PEX11A: variants seen among roughly 807,000 people sequenced by gnomAD.
PEX11A encodes peroxisomal membrane protein 11A.
Under a neutral mutation model 14.4 loss-of-function variants are expected in PEX11A, and 13 were observed. The ratio of observed to expected loss-of-function variants is 0.90; its 90% CI spans 0.59 to 1.43. The LOEUF (loss-of-function observed/expected upper bound fraction) is 1.43, where lower values mean the gene tolerates loss of function less well. Ranked by LOEUF, PEX11A falls within the 40% of genes most tolerant of loss-of-function variation. The probability of loss-of-function intolerance (pLI) is 0.00; values close to 1 mark genes in which losing one functional copy is unlikely to be tolerated. For synonymous variants in PEX11A, 101 were observed against 113.0 expected (o/e 0.89, Z 0.67); for missense variants, 290 against 302.8 (o/e 0.96, Z 0.31).
chr15:89,683,947 C>T lies in PEX11A; in HGVS notation c.174G>A (p.Trp58Ter). 1 of 1,601,178 alleles carries T rather than the reference C, an allele frequency of 6.2e-7. No homozygotes were observed. The highest frequency in any genetic ancestry group is 1.1e-5 in the South Asian group (1 of 89,872). Reference protein sequence around the residue: ...LESSVSTGRKWFRLGNVVHAI... With the variant: ...LESSVSTGRK ...CATGTACCACATTGCCTAGTCTGAA[C>T]CCTGCAAGTAGAACCCACAATAGTG... The change falls in exon 3 of 3, where the codon TGG becomes TGA. Residue 58 changes from tryptophan to a stop codon, truncating the protein, a stop_gained and splice_region_variant. Transcript: ENST00000300056. LOFTEE classifies it low-confidence loss of function (END_TRUNC).
intron 1 of PEX11A, among the ~76,000 whole-genome samples, chr15:89,687,476 T>A (rs1964694912): frequency 6.6e-6 from 1 of 152,240 alleles, no homozygotes; most frequent in South Asian, 2.1e-4. Context: ...ACTATATATT[T>A]AATAAAGTGA....
intron 1 of PEX11A, among the ~76,000 whole-genome samples, chr15:89,689,210 C>T (rs1432106862): frequency 1.4e-5 from 2 of 138,350 alleles, no homozygotes; most frequent in African/African-American, 5.4e-5. Context: ...GAGTCATTTG[C>T]GTGGATGTGA....
rs761006082 is a variant in PEX11A, at chr15:89,683,890, G to A, written c.231C>T (p.Ala77=). The change falls in exon 3 of 3, where the codon GCC becomes GCT. Residue 77 remains alanine (A), a synonymous_variant. Transcript: ENST00000300056. ...AGCATAAGCGAGGTACCAGGTCAGT[G>A]GCATGAATGCTCTGCTCAGTTGCCT... ...AIQATEQSIH[A]TDLVPRLCLT... 1.2e-6 allele frequency: 2 copies of A among 1,614,108 alleles called. No individual in the cohort carries two copies. The highest frequency in any genetic ancestry group is 2.2e-5 in the East Asian group (1 of 44,886).
intron 1 of PEX11A, chr15:89,687,967 C>G (rs1263279757): frequency 3.6e-6 from 2 of 553,432 alleles, no homozygotes; most frequent in Non-Finnish European, 3.5e-6. Flanking sequence ...CTCTTCTTAT[C>G]TCCTCCCAGT....
chr15:89,690,567 C>T lies in PEX11A; in HGVS notation c.56+10G>A. ...GAGAAAGGGGCGGAGGCCGCTGGCACCTGACTCACCTGAAGAGTCGGTCCC... is the reference window on the plus strand; with the variant it reads ...GAGAAAGGGGCGGAGGCCGCTGGCATCTGACTCACCTGAAGAGTCGGTCCC... On this transcript the variant is annotated intron_variant, in intron 1 of 2. Coordinates refer to ENST00000300056, the MANE Select transcript of PEX11A (RefSeq NM_003847.3). 1 of 1,549,824 alleles carries T rather than the reference C, an allele frequency of 6.5e-7. No individual in the cohort carries two copies. The highest frequency in any genetic ancestry group is 8.7e-7 in the Non-Finnish European group (1 of 1,145,804).
rs1964611709 is a variant in PEX11A, at chr15:89,682,325, C to T, written c.*1052G>A. 1 of 152,126 alleles carries T rather than the reference C, an allele frequency of 6.6e-6. No individual in the cohort carries two copies. Among genetic ancestry groups the T allele is most frequent in the Non-Finnish European group, 1.5e-5 (1 of 68,072 alleles). The allele number at this position is 152,126 out of a possible 1,614,324, so 9.4% of individuals were successfully genotyped here. On this transcript the variant is annotated 3_prime_UTR_variant, in exon 3 of 3. Transcript: ENST00000300056. ...AGTATCTGGGACTACAGGCATACTC[C>T]ACCATGCCTGGCTAATTTTTTAACA...
chr15:89,690,627 G>A lies in PEX11A; in HGVS notation c.6C>T (p.Asp2=). The part of the protein sequence containing the change: M[D]AFTRFTNQTQ... Reference sequence around the variant, plus strand: ...TCTGGTTGGTGAAGCGGGTGAAGGCGTCCATGGCTTCTAGCCCAAAGGCCA... The same window carrying A: ...TCTGGTTGGTGAAGCGGGTGAAGGCATCCATGGCTTCTAGCCCAAAGGCCA... Residue 2 remains aspartate (D), a synonymous_variant, in exon 1 of 3, where the codon GAC becomes GAT. Coordinates refer to ENST00000300056, the MANE Select transcript of PEX11A (RefSeq NM_003847.3). The A allele has an allele frequency of 4.5e-6, 7 of 1,551,088 alleles. No individual in the cohort carries two copies. The highest frequency in any genetic ancestry group is 1.2e-5 in the South Asian group (1 of 84,046).
intron 2 of PEX11A, among the ~76,000 whole-genome samples, chr15:89,684,953 G>A (rs774349354): frequency 6.6e-6 from 1 of 152,148 alleles, no homozygotes; most frequent in African/African-American, 2.4e-5. Flanking sequence ...ACTTTGGGAG[G>A]CCAAGGTGCA....
At position 89,683,819 on chromosome 15, in the gene PEX11A, G is replaced by T. The variant is rs373563993; in HGVS notation, c.302C>A (p.Thr101Asn). ...LNRVIYFICDTILWVRSVGLT... is the reference protein window; with the variant it reads ...LNRVIYFICDNILWVRSVGLT... ...ACCTACGCTCCTCACCCAGAGGATG[G>T]TGTCACAGATGAAATAAATCACACG... The change falls in exon 3 of 3, where the codon ACC becomes AAC. Residue 101 changes from threonine to asparagine, a missense_variant. Coordinates refer to ENST00000300056, the MANE Select transcript of PEX11A (RefSeq NM_003847.3). 4.6e-5 allele frequency: 75 copies of T among 1,613,970 alleles called. No homozygotes were observed. The highest frequency in any genetic ancestry group is 6.2e-5 in the Non-Finnish European group (73 of 1,179,954).
chr15:89,682,078 T>G lies in PEX11A; in HGVS notation c.*1299A>C, dbSNP rs1964608272. 1 of 152,404 alleles carries G rather than the reference T, an allele frequency of 6.6e-6. No individual in the cohort carries two copies. The highest frequency in any genetic ancestry group is 2.4e-5 in the African/African-American group (1 of 41,476). The allele number at this position is 152,404 out of a possible 1,614,324, so 9.4% of individuals were successfully genotyped here. The stretch of plus-strand genomic sequence containing the variant: ...GACTCTCTTACATCTGGAGTATTCA[T>G]GAAATTTTTTTGACTGGATAAATTT... On this transcript the variant is annotated 3_prime_UTR_variant, in exon 3 of 3. Transcript: ENST00000300056.
intron 1 of PEX11A, 42 bp from the exon 2 acceptor site, chr15:89,686,588 C>T: frequency 1.2e-6 from 1 of 866,628 alleles, no homozygotes; most frequent in South Asian, 1.4e-5. Context: ...GATTTACAAA[C>T]CAAATAAAAC....
intron 1 of PEX11A, among the ~76,000 whole-genome samples, chr15:89,687,568 T>C (rs1262424127): frequency 6.6e-6 from 1 of 152,198 alleles, no homozygotes; most frequent in Non-Finnish European, 1.5e-5. Flanking sequence ...CACATCCAAA[T>C]CCATTTGGCA....
chr15:89,681,814 T>C lies in PEX11A; in HGVS notation c.*1563A>G, dbSNP rs1964604422. On this transcript the variant is annotated 3_prime_UTR_variant, in exon 3 of 3. Coordinates refer to ENST00000300056, the MANE Select transcript of PEX11A (RefSeq NM_003847.3). ...TCCATTCAGATAAATGACACAGCTTTGCTGGGAGGACTGACATCGGCCTCC... is the reference window on the plus strand; with the variant it reads ...TCCATTCAGATAAATGACACAGCTTCGCTGGGAGGACTGACATCGGCCTCC... 4 of 318,002 alleles carry C rather than the reference T, an allele frequency of 1.3e-5. No individual in the cohort carries two copies. The highest frequency in any genetic ancestry group is 9.2e-5 in the Admixed American group (2 of 21,764). 19.7% of individuals were successfully genotyped at this position (318,002 alleles called of 1,614,324 possible).
chr15:89,685,687 G>C (rs765041392), intron 2 of PEX11A, among the ~76,000 whole-genome samples: 1 of 151,788 alleles, frequency 6.6e-6, no homozygotes, highest in Non-Finnish European at 1.5e-5. Flanking sequence ...CAACAAGTTT[G>C]GCACTAAATC....
intron 2 of PEX11A, among the ~76,000 whole-genome samples, chr15:89,684,709 C>T (rs543722464): frequency 6.6e-6 from 1 of 152,188 alleles, no homozygotes; most frequent in Non-Finnish European, 1.5e-5. Flanking sequence ...TGCAATGGCA[C>T]GTCCTTATGT....
At position 89,683,499 on chromosome 15, in the gene PEX11A, G is replaced by A; in HGVS notation, c.622C>T (p.Pro208Ser). ...TVKNLCDILN[P>S]LDQLGIYKSN... ...TTATAGATCCCCAGCTGGTCCAAAG[G>A]GTTCAGGATATCACAAAGGTTCTTC... The change falls in exon 3 of 3, where the codon CCT becomes TCT. Residue 208 changes from proline to serine, a missense_variant. Physicochemically the swap from Pro to Ser is moderately conservative, Grantham distance 74. Transcript: ENST00000300056. 6.2e-7 allele frequency: 1 copy of A among 1,614,056 alleles called. No individual in the cohort carries two copies. Among genetic ancestry groups the A allele is most frequent in the African/African-American group, 1.3e-5 (1 of 75,028 alleles).
Position 89,690,588 on chromosome 15 carries a change from G to T in PEX11A, c.45C>A (p.Asp15Glu). The T allele has an allele frequency of 1.3e-6, 2 of 1,551,406 alleles. No homozygotes were observed. Among genetic ancestry groups the T allele is most frequent in the Non-Finnish European group, 1.7e-6 (2 of 1,146,882 alleles). ...GGCACCTGACTCACCTGAAGAGTCG[G>T]TCCCGGCCCTGGGTCTGGTTGGTGA... ...TRFTNQTQGR[D>E]RLFRATQYTC... The change falls in exon 1 of 3, where the codon GAC becomes GAA. Residue 15 changes from aspartate to glutamate, a missense_variant. Asp to Glu is a conservative substitution (Grantham distance 45, BLOSUM62 2). Transcript: ENST00000300056.
rs983123551 is a variant in PEX11A, at chr15:89,682,148, A to G, written c.*1229T>C. ...ATTGCCTAAATTGTTAGAAGGATTT[A>G]AATAAAACAATCTAACTGATAAGTC... On this transcript the variant is annotated 3_prime_UTR_variant, in exon 3 of 3. Coordinates refer to ENST00000300056, the MANE Select transcript of PEX11A (RefSeq NM_003847.3). The G allele has an allele frequency of 1.3e-5, 2 of 152,414 alleles. No homozygotes were observed. The highest frequency in any genetic ancestry group is 3.8e-4 in the East Asian group (2 of 5,206). 9.4% of individuals were successfully genotyped at this position (152,414 alleles called of 1,614,324 possible).
Position 89,683,414 on chromosome 15 carries a change from G to T in PEX11A, c.707C>A (p.Thr236Asn). The change falls in exon 3 of 3, where the codon ACT (threonine) becomes AAT (asparagine). Residue 236 changes from threonine (T) to asparagine (N), a missense_variant. Physicochemically the swap from Thr to Asn is moderately conservative, Grantham distance 65 (BLOSUM62 0). Coordinates refer to ENST00000300056, the MANE Select transcript of PEX11A (RefSeq NM_003847.3). ...GLVSSIAGMI[T>N]VAYPQMKLKT... is the part of the protein sequence containing the mutation. ...CAGCTTCATCTGAGGATATGCCACA[G>T]TGATCATGCCTGCTATAGAGGACAC... The T allele has an allele frequency of 6.2e-7, 1 of 1,614,014 alleles. No individual in the cohort carries two copies. The highest frequency in any genetic ancestry group is 8.5e-7 in the Non-Finnish European group (1 of 1,179,936).
Sources: gnomAD v4.1 joint callset for allele counts (sites outside exome capture counted in the v4.1 genomes callset) on GRCh38, gnomAD v4.1.1 for gene constraint, MANE v1.5 for transcripts, NCBI Gene and HGNC (gene_info 2026-07-23, HGNC 2026-07-21) for gene names.